The following EZH1 variants were observed in gnomAD, a reference collection of about 807,000 sequenced individuals.
EZH1 encodes histone-lysine N-methyltransferase EZH1.
Under a neutral mutation model 100.5 loss-of-function variants are expected in EZH1, and 33 were observed. The observed-to-expected ratio is 0.33, with a 90% CI of 0.25 to 0.44. The LOEUF is 0.44. Among genes scored for constraint, EZH1 ranks in the 20% least tolerant of loss-of-function variants. The pLI, the probability that EZH1 is intolerant of heterozygous loss-of-function variation, is 1.00. For synonymous variants in EZH1, 272 were observed against 313.8 expected (o/e 0.87, Z 1.41); for missense variants, 475 against 928.4 (o/e 0.51, Z 6.35).
In EZH1 at chr17:42,717,988, G is replaced by A; in HGVS notation, c.1011C>T (p.Cys337=). 1 of 1,614,132 alleles carries A rather than the reference G, an allele frequency of 6.2e-7. No individual in the cohort carries two copies. The highest frequency in any genetic ancestry group is 8.5e-7 in the Non-Finnish European group (1 of 1,179,986). ...CTTAAGAACATACCAGCAAAAGGAA[G>A]CAGTCTGTGCCACATGGTTCTGGTT... ...KIEPEPCGTD[C]FLLLEGAKEY... is the part of the protein sequence containing the mutation. The change falls in exon 10 of 21, where the codon TGC becomes TGT. Residue 337 remains cysteine, a synonymous_variant. Transcript: ENST00000428826.
chr17:42,736,081 T>C (rs1325701585), intron 1 of EZH1, among the ~76,000 whole-genome samples: 1 of 152,052 alleles, frequency 6.6e-6, no homozygotes, highest in African/African-American at 2.4e-5. Context: ...CATTAGTCAT[T>C]AGGGAAATGC....
intron 13 of EZH1, 51 bp from the exon 14 acceptor site, chr17:42,708,967 CA>C (rs1567986153): frequency 1.2e-6 from 2 of 1,607,734 alleles, no homozygotes; most frequent in South Asian, 2.2e-5. Flanking sequence ...GGGAGCTCTG[CA>C]AATGCAGGTA....
Position 42,702,124 on chromosome 17 carries a change from C to T in EZH1, c.*408G>A, listed in dbSNP as rs145260558. 734 of 167,276 alleles carry T rather than the reference C, an allele frequency of 4.4e-3. 4 individuals carry two copies. Among genetic ancestry groups the T allele is most frequent in the African/African-American group, 0.014 (596 of 42,144 alleles). The allele number at this position is 167,276 out of a possible 1,614,324, so 10.4% of individuals were successfully genotyped here. On this transcript the variant is annotated 3_prime_UTR_variant, in exon 21 of 21. Coordinates refer to ENST00000428826, the MANE Select transcript of EZH1 (RefSeq NM_001991.5). ...TCTTAGGACCACAGAGGTTTGCCTG[C>T]ATCCCAATAACATAAGGACTCTTGA...
At chr17:42,711,919 C>T (rs1465845229) in intron 12 of EZH1, among the ~76,000 whole-genome samples, 1 of 149,300 alleles carries the variant, frequency 6.7e-6, no homozygotes, top group Non-Finnish European at 1.5e-5. Context: ...GCAGCAGCAG[C>T]AGCAGTGTGC....
At chr17:42,716,965 TGGGATTATAG>T in intron 10 of EZH1, among the ~76,000 whole-genome samples, 1 of 152,264 alleles carries the variant, frequency 6.6e-6, no homozygotes, top group African/African-American at 2.4e-5. Context: ...CCCAAAGTGC[TGGGATTATAG>T]GTGTGCACTA....
intron 19 of EZH1, 42 bp downstream of exon 19, chr17:42,703,698 G>T: frequency 2.2e-6 from 3 of 1,344,500 alleles, no homozygotes; most frequent in Non-Finnish European, 3.2e-6. Context: ...CAGTAAAGAG[G>T]CATCCATCCC....
At chr17:42,741,783 G>C (rs2054181145) in intron 1 of EZH1, among the ~76,000 whole-genome samples, 1 of 151,274 alleles carries the variant, frequency 6.6e-6, no homozygotes, top group Non-Finnish European at 1.5e-5. Context: ...CTGCCTCCTG[G>C]GCTCAAGCAA....
At chr17:42,743,142 T>A (rs1355316046) in intron 1 of EZH1, among the ~76,000 whole-genome samples, 1 of 151,744 alleles carries the variant, frequency 6.6e-6, no homozygotes, top group African/African-American at 2.4e-5. Flanking sequence ...GTGCTGGGAT[T>A]ACAGGCCTGA....
intron 2 of EZH1, among the ~76,000 whole-genome samples, chr17:42,729,629 T>C (rs1204907527): frequency 6.7e-6 from 1 of 150,196 alleles, no homozygotes; most frequent in Non-Finnish European, 1.5e-5. Flanking sequence ...ATCCCAGTTA[T>C]GTGGGAAGCT....
intron 1 of EZH1, among the ~76,000 whole-genome samples, chr17:42,737,894 C>T (rs1291771863): frequency 1.3e-5 from 2 of 151,854 alleles, no homozygotes; most frequent in Non-Finnish European, 2.9e-5. Context: ...ATTTAAGGAA[C>T]GGCTGGGTGC....
chr17:42,729,862 AC>A (rs2053905595), intron 2 of EZH1, among the ~76,000 whole-genome samples: 1 of 152,008 alleles, frequency 6.6e-6, no homozygotes, highest in African/African-American at 2.4e-5. Flanking sequence ...AGATGCTGAA[AC>A]CCCGTCTCTA....
chr17:42,741,770 C>T (rs571235992), intron 1 of EZH1, among the ~76,000 whole-genome samples: 301 of 152,120 alleles, frequency 2.0e-3, no homozygotes, highest in African/African-American at 6.9e-3. Flanking sequence ...CTCACTGCAA[C>T]CTCTGCCTCC....
At position 42,742,371 on chromosome 17, in the gene EZH1, C is replaced by T. The variant is rs565465140; in HGVS notation, c.-103+2640G>A. Among the ~76,000 whole-genome samples, 69 of 152,112 alleles carry T rather than the reference C, an allele frequency of 4.5e-4. 1 individual carries two copies. Among genetic ancestry groups the T allele is most frequent in the Middle Eastern group, 3.4e-3 (1 of 294 alleles). ...TTGGCCAGGCTGGTTTTGAACTCCC[C>T]GACCTCAGGTGATCCAACAGCCTCA... is the stretch of plus-strand genomic sequence containing the variant. On this transcript the variant is annotated intron_variant, in intron 1 of 20. Coordinates refer to ENST00000428826, the MANE Select transcript of EZH1 (RefSeq NM_001991.5).
At position 42,728,809 on chromosome 17, in the gene EZH1, G is replaced by A; in HGVS notation, c.117+16C>T. On this transcript the variant is annotated intron_variant, in intron 3 of 20. Transcript: ENST00000428826. ...TATTGAAATATATAAACTTTCACTT[G>A]GGAATTATTTTTTACCTTTGCACCC... is the stretch of plus-strand genomic sequence containing the variant. 1 of 1,609,252 alleles carries A rather than the reference G, an allele frequency of 6.2e-7. No homozygotes were observed. Among genetic ancestry groups the A allele is most frequent in the Non-Finnish European group, 8.5e-7 (1 of 1,178,286 alleles).
chr17:42,733,939 CAAAA>C (rs71157668), intron 1 of EZH1, among the ~76,000 whole-genome samples: 3 of 50,076 alleles, frequency 6.0e-5, no homozygotes, highest in Non-Finnish European at 9.4e-5. Context: ...GACTCCATCT[CAAAA>C]AAAAAAAAAA....
intron 4 of EZH1, among the ~76,000 whole-genome samples, chr17:42,725,478 G>A (rs1219152750): frequency 6.7e-6 from 1 of 149,840 alleles, no homozygotes; most frequent in African/African-American, 2.5e-5. Flanking sequence ...ACAGGGTCTC[G>A]CTATATTGCC....
chr17:42,715,615 G>A (rs1280522383), intron 10 of EZH1, among the ~76,000 whole-genome samples: 2 of 151,986 alleles, frequency 1.3e-5, no homozygotes, highest in Non-Finnish European at 2.9e-5. Context: ...TAAGAAAGAG[G>A]AGACAGAAGA....
Position 42,745,013 on chromosome 17 carries a change from T to G in EZH1, c.-105A>C. The G allele has an allele frequency of 7.9e-7, 1 of 1,272,550 alleles. No homozygotes were observed. The highest frequency in any genetic ancestry group is 1.3e-5 in the South Asian group (1 of 78,236). The allele number at this position is 1,272,550 out of a possible 1,614,324, so 78.8% of individuals were successfully genotyped here. On this transcript the variant is annotated splice_region_variant and 5_prime_UTR_variant, in exon 1 of 21. Coordinates refer to ENST00000428826, the MANE Select transcript of EZH1 (RefSeq NM_001991.5). ...CCCAGGCTTGTTTACTCACTCACCC[T>G]CCATCCCGAGCCGCGGGTCCCGCTG...
chr17:42,712,363 G>A lies in EZH1; in HGVS notation c.1327C>T (p.Arg443Ter). The A allele has an allele frequency of 1.2e-6, 2 of 1,614,158 alleles. No individual in the cohort carries two copies. Among genetic ancestry groups the A allele is most frequent in the Non-Finnish European group, 1.7e-6 (2 of 1,180,038 alleles). ...TTGAAGTAGGTGCCATGGAAGACTC[G>A]AAAAAGAGATTCTTCAGCCCCAGTC... Reference protein sequence around the residue: ...EWTGAEESLFRVFHGTYFNNF... With the variant: ...EWTGAEESLF The change falls in exon 12 of 21, where the codon CGA becomes TGA. Residue 443 changes from arginine (R) to a stop codon, truncating the protein, a stop_gained. Coordinates refer to ENST00000428826, the MANE Select transcript of EZH1 (RefSeq NM_001991.5). LOFTEE classifies it high-confidence loss of function.
Sources: gnomAD v4.1 joint callset for allele counts (sites outside exome capture counted in the v4.1 genomes callset) on GRCh38, gnomAD v4.1.1 for gene constraint, MANE v1.5 for transcripts, NCBI Gene and HGNC (gene_info 2026-07-23, HGNC 2026-07-21) for gene names.